ITGA4: variants seen among roughly 807,000 people sequenced by gnomAD.
The protein encoded by ITGA4 is integrin alpha-4.
ITGA4 carries 63 observed loss-of-function variants against 133.6 expected under a neutral mutation model. That is an observed-to-expected ratio of 0.47 (90% CI 0.38 to 0.58). The LOEUF is 0.58. Among genes scored for constraint, ITGA4 ranks in the 20% least tolerant of loss-of-function variants. The pLI is 0.00. For missense variants in ITGA4, 1,076 were observed against 1,252.7 expected (o/e 0.86, Z 2.13); for synonymous variants, 483 against 438.0 (o/e 1.10, Z -1.28).
At chr2:181,493,690 A>G (rs1574395186) in intron 11 of ITGA4, among the ~76,000 whole-genome samples, 1 of 152,172 alleles carries the variant, frequency 6.6e-6, no homozygotes, top group South Asian at 2.1e-4. Context: ...ATTAAATTGC[A>G]TTCTGAGGTA....
intron 15 of ITGA4, among the ~76,000 whole-genome samples, chr2:181,509,117 G>GGGAC (rs1686450722): frequency 8.8e-6 from 1 of 113,302 alleles, no homozygotes; most frequent in Admixed American, 1.3e-4. Context: ...TGCTGACAGA[G>GGGAC]GGACACATCC....
At chr2:181,466,883 A>C (rs1162015711) in intron 2 of ITGA4, among the ~76,000 whole-genome samples, 1 of 152,266 alleles carries the variant, frequency 6.6e-6, no homozygotes, top group East Asian at 1.9e-4. Flanking sequence ...GAGCAGAGGC[A>C]TTGATTATTT....
chr2:181,520,013 A>AT (rs1230682127), intron 17 of ITGA4, among the ~76,000 whole-genome samples: 1 of 152,120 alleles, frequency 6.6e-6, no homozygotes, highest in Non-Finnish European at 1.5e-5. Flanking sequence ...GTGAATCACG[A>AT]TCCAGCATCT....
Position 181,483,239 on chromosome 2 carries a change from T to G in ITGA4, c.1041+588T>G, listed in dbSNP as rs1297099145. Among the ~76,000 whole-genome samples, 3 of 152,238 alleles carry G rather than the reference T, an allele frequency of 2.0e-5. No homozygotes were observed. The East Asian group carries it at 5.8e-4, about 29-fold the overall frequency. ...AGGTAATTACTGACTGTGATTCAAT[T>G]TTAAATTATTAGTGATAATTTGTGG... On this transcript the variant is annotated intron_variant, in intron 9 of 27. Transcript: ENST00000397033.
At chr2:181,461,745 A>G (rs1249244480) in intron 2 of ITGA4, among the ~76,000 whole-genome samples, 2 of 152,208 alleles carry the variant, frequency 1.3e-5, no homozygotes, top group African/African-American at 4.8e-5. Context: ...CACTGAAAGC[A>G]TTATACACAC....
rs535182439 is a variant in ITGA4, at chr2:181,538,129, C to T, written c.*2602C>T. 135 of 1,235,562 alleles carry T rather than the reference C, an allele frequency of 1.1e-4. No homozygotes were observed. The highest frequency in any genetic ancestry group is 1.5e-4 in the Non-Finnish European group (124 of 842,456). The allele number at this position is 1,235,562 out of a possible 1,614,324, so 76.5% of individuals were successfully genotyped here. A position where few individuals can be genotyped will look rare whatever the true frequency, so the allele number is the denominator to read the frequency against. ...GGACCACAGGTTTAAAGCATGGCCA[C>T]ATTTCTTTATATTAAAATTCTAGTT... On this transcript the variant is annotated 3_prime_UTR_variant, in exon 28 of 28. Transcript: ENST00000397033.
intron 4 of ITGA4, among the ~76,000 whole-genome samples, chr2:181,477,166 C>G (rs1574383711): frequency 6.6e-6 from 1 of 151,902 alleles, no homozygotes; most frequent in South Asian, 2.1e-4. Context: ...TATCTGCGTG[C>G]AAAAGAATGA....
intron 2 of ITGA4, among the ~76,000 whole-genome samples, chr2:181,459,811 C>T (rs1201583235): frequency 2.0e-5 from 3 of 152,140 alleles, no homozygotes; most frequent in African/African-American, 4.8e-5. Context: ...TTTCTGTTGT[C>T]CTGTCATAGT....
chr2:181,521,434 A>C (rs1344787361), intron 17 of ITGA4, among the ~76,000 whole-genome samples: 1 of 152,156 alleles, frequency 6.6e-6, no homozygotes, highest in Non-Finnish European at 1.5e-5. Flanking sequence ...CCAGATCTTC[A>C]GTGAATGGTA....
rs1204102614 is a variant in ITGA4 at position 181,535,415 on chromosome 2, T to C, written c.3004-17T>C. 3 of 1,576,176 alleles carry C rather than the reference T, an allele frequency of 1.9e-6. No individual in the cohort carries two copies. Among genetic ancestry groups the C allele is most frequent in the Non-Finnish European group, 2.6e-6 (3 of 1,153,990 alleles). ...GTTCATAACTATACACTAGTGATTA[T>C]GTTATGCTATTTTCAGGCTGGCTTC... On this transcript the variant is annotated splice_polypyrimidine_tract_variant and intron_variant, in intron 27 of 27. Coordinates refer to ENST00000397033, the MANE Select transcript of ITGA4 (RefSeq NM_000885.6).
intron 2 of ITGA4, among the ~76,000 whole-genome samples, chr2:181,467,266 G>A (rs1559037248): frequency 6.6e-6 from 1 of 151,872 alleles, no homozygotes; most frequent in Non-Finnish European, 1.5e-5. Flanking sequence ...GGCTTTTACT[G>A]CTTTTCTGAA....
At chr2:181,531,561 T>C in intron 24 of ITGA4, 96 bp from the exon 25 acceptor site, 1 of 516,472 alleles carries the variant, frequency 1.9e-6, no homozygotes, top group Non-Finnish European at 3.1e-6. Context: ...ATTTTCAAAA[T>C]GCCATTAGAG....
intron 5 of ITGA4, 93 bp from the exon 6 acceptor site, chr2:181,480,044 T>C: frequency 5.1e-6 from 4 of 784,790 alleles, no homozygotes; most frequent in Non-Finnish European, 7.5e-6. Context: ...TTGATTATTA[T>C]AAAAATATGT....
chr2:181,505,123 T>C (rs1276283420), intron 15 of ITGA4, among the ~76,000 whole-genome samples: 1 of 143,342 alleles, frequency 7.0e-6, no homozygotes, highest in Non-Finnish European at 1.6e-5. Flanking sequence ...TTCTTCTGTA[T>C]TTAGACATGC....
In ITGA4 at chr2:181,483,174, G is replaced by A. The variant is rs545512969; in HGVS notation, c.1041+523G>A. ...TGCTCTTGATAAGAATATAAAATTG[G>A]CAAGGTTTATTCCACAGTGGATATA... On this transcript the variant is annotated intron_variant, in intron 9 of 27. Transcript: ENST00000397033. Among the ~76,000 whole-genome samples the A allele has an allele frequency of 2.9e-3, 438 of 152,116 alleles. 4 individuals carry two copies. The highest frequency in any genetic ancestry group is 0.01 in the African/African-American group (420 of 41,510).
At chr2:181,462,303 T>A (rs928367511) in intron 2 of ITGA4, among the ~76,000 whole-genome samples, 9 of 152,216 alleles carry the variant, frequency 5.9e-5, no homozygotes, top group African/African-American at 2.2e-4. Flanking sequence ...TAGTCACCAT[T>A]ACCCATATTT....
At chr2:181,470,468 A>C (rs1685521805) in intron 2 of ITGA4, among the ~76,000 whole-genome samples, 1 of 152,124 alleles carries the variant, frequency 6.6e-6, no homozygotes, top group African/African-American at 2.4e-5. Flanking sequence ...CTTCAAAAAA[A>C]TTCTTATGTC....
chr2:181,512,400 C>G (rs528355485), intron 17 of ITGA4, among the ~76,000 whole-genome samples: 1 of 152,128 alleles, frequency 6.6e-6, no homozygotes, highest in Non-Finnish European at 1.5e-5. Flanking sequence ...TGGCATTCCA[C>G]TTGAAAATCT....
At position 181,485,953 on chromosome 2, in the gene ITGA4, A is replaced by G. The variant is rs750173023; in HGVS notation, c.1114A>G (p.Ile372Val). Residue 372 changes from isoleucine (I) to valine (V), a missense_variant, in exon 10 of 28, where the codon ATA becomes GTA. By Grantham distance (29) the Ile-to-Val change is conservative (BLOSUM62 3). Coordinates refer to ENST00000397033, the MANE Select transcript of ITGA4 (RefSeq NM_000885.6). ...DKYAARFGES[I>V]VNLGDIDNDG... The stretch of plus-strand genomic sequence containing the variant: ...ATATGCTGCAAGATTTGGGGAATCT[A>G]TAGTTAATCTTGGCGACATTGACAA... 6.9e-6 allele frequency: 11 copies of G among 1,603,312 alleles called. No individual in the cohort carries two copies. The highest frequency in any genetic ancestry group is 4.0e-5 in the African/African-American group (3 of 74,438).
Sources: gnomAD v4.1 joint callset for allele counts (sites outside exome capture counted in the v4.1 genomes callset) on GRCh38, gnomAD v4.1.1 for gene constraint, MANE v1.5 for transcripts, NCBI Gene and HGNC (gene_info 2026-07-23, HGNC 2026-07-21) for gene names.